The following NFIB variants were observed in gnomAD, a reference collection of about 807,000 sequenced individuals.
NFIB encodes nuclear factor 1 B-type.
NFIB carries 11 observed loss-of-function variants against 61.5 expected under a neutral mutation model. The ratio of observed to expected loss-of-function variants is 0.18; its 90% CI spans 0.11 to 0.30. The LOEUF (loss-of-function observed/expected upper bound fraction) is 0.30. Ranked by LOEUF, NFIB falls within the 10% of genes least tolerant of loss-of-function variation. The probability of loss-of-function intolerance (pLI) is 1.00; values close to 1 mark genes in which losing one functional copy is unlikely to be tolerated. For synonymous variants in NFIB, 260 were observed against 216.5 expected (o/e 1.20, Z -1.76); for missense variants, 471 against 608.9 (o/e 0.77, Z 2.38).
chr9:14,400,875 G>A (rs1329187576), upstream of NFIB, among the ~76,000 whole-genome samples: 1 of 152,198 alleles, frequency 6.6e-6, no homozygotes, highest in Admixed American at 6.5e-5. Context: ...ACTGGCGTAG[G>A]GAGGAGGCAA....
chr9:14,421,098 A>T, the NFIB span, among the ~76,000 whole-genome samples: 1 of 151,244 alleles, frequency 6.6e-6, no homozygotes, highest in African/African-American at 2.4e-5. Flanking sequence ...AAAAAAAAAA[A>T]TAAGGCATGT....
chr9:14,179,862 A>G, intron 2 of NFIB, 82 bp from the exon 3 acceptor site: 1 of 1,391,152 alleles, frequency 7.2e-7, no homozygotes, highest in East Asian at 2.4e-5. Flanking sequence ...CGAAAAAAAA[A>G]TTTGAAGGTA....
At chr9:14,497,255 C>T in the NFIB span, among the ~76,000 whole-genome samples, 2 of 152,116 alleles carry the variant, frequency 1.3e-5, no homozygotes, top group Admixed American at 6.5e-5. Flanking sequence ...TCAATGTCAC[C>T]CAATTACATT....
chr9:14,424,279 G>A, the NFIB span, among the ~76,000 whole-genome samples: 1 of 152,140 alleles, frequency 6.6e-6, no homozygotes, highest in Non-Finnish European at 1.5e-5. Context: ...GGATGATTCT[G>A]GGGACAAAGG....
intron 6 of NFIB, among the ~76,000 whole-genome samples, chr9:14,128,243 T>C (rs2039941763): frequency 6.6e-6 from 1 of 152,202 alleles, no homozygotes; most frequent in East Asian, 1.9e-4. Flanking sequence ...TCCAAATTTT[T>C]AATTTAAAAT....
chr9:14,105,395 T>C (rs1338686868), intron 10 of NFIB, among the ~76,000 whole-genome samples: 1 of 152,224 alleles, frequency 6.6e-6, no homozygotes, highest in African/African-American at 2.4e-5. Context: ...TTACTAAAAA[T>C]GTAAAATATA....
At chr9:14,414,715 C>T in the NFIB span, among the ~76,000 whole-genome samples, 1 of 151,866 alleles carries the variant, frequency 6.6e-6, no homozygotes, top group Non-Finnish European at 1.5e-5. Context: ...TTTGTTGTTA[C>T]ATTTATTATT....
At chr9:14,174,766 CA>C (rs546288962) in intron 3 of NFIB, among the ~76,000 whole-genome samples, 8,389 of 56,030 alleles carry the variant, frequency 0.15, 600 homozygotes, top group African/African-American at 0.36. Flanking sequence ...GACTCCATCT[CA>C]AAAAAAAAAA....
At position 14,150,671 on chromosome 9, in the gene NFIB, T is replaced by C. The variant is rs544564957; in HGVS notation, c.686-406A>G. 7.2e-4 allele frequency among the ~76,000 whole-genome samples: 110 copies of C among 152,116 alleles called. 1 individual carries two copies. Among genetic ancestry groups the C allele is most frequent in the African/African-American group, 2.4e-3 (99 of 41,512 alleles). On this transcript the variant is annotated intron_variant, in intron 4 of 10. Transcript: ENST00000380953. Reference sequence around the variant, plus strand: ...ACCTAGGCTCTCGAAAACCAAATCATTGTTAAATAAATAAACAGAGAACCG... The same window carrying C: ...ACCTAGGCTCTCGAAAACCAAATCACTGTTAAATAAATAAACAGAGAACCG...
chr9:14,318,505 C>CTTTTT (rs34481505), upstream of NFIB, among the ~76,000 whole-genome samples: 41 of 66,858 alleles, frequency 6.1e-4, 1 homozygote, highest in Non-Finnish European at 7.5e-4. Flanking sequence ...CACTCGATGC[C>CTTTTT]TTTTTTTTTT....
chr9:14,178,080 C>T (rs575720488), intron 3 of NFIB, among the ~76,000 whole-genome samples: 45 of 152,134 alleles, frequency 3.0e-4, no homozygotes, highest in South Asian at 1.5e-3. Flanking sequence ...TTGTTTAGTC[C>T]GACTTATAAT....
At chr9:14,511,881 C>A in the NFIB span, among the ~76,000 whole-genome samples, 1 of 152,062 alleles carries the variant, frequency 6.6e-6, no homozygotes, top group African/African-American at 2.4e-5. Flanking sequence ...ATATAAAGTT[C>A]AGAATCATTT....
At position 14,188,666 on chromosome 9, in the gene NFIB, C is replaced by T. The variant is rs559680138; in HGVS notation, c.563-8886G>A. On this transcript the variant is annotated intron_variant, in intron 2 of 10. Transcript: ENST00000380953. ...ACACGCCACTGCGTACTTTGAGGAA[C>T]AATTTGCCAACGCAGTTTGCCACAT... 2.0e-5 allele frequency among the ~76,000 whole-genome samples: 3 copies of T among 152,302 alleles called. No homozygotes were observed. In the East Asian group the frequency reaches 5.8e-4, roughly 29 times the overall value.
At chr9:14,326,302 C>T (rs892887246) in intron 1 of NFIB, among the ~76,000 whole-genome samples, 2 of 152,122 alleles carry the variant, frequency 1.3e-5, no homozygotes, top group African/African-American at 4.8e-5. Flanking sequence ...CATAGTCGCC[C>T]ATCATAAAGA....
chr9:14,155,888 G>C lies in NFIB; in HGVS notation c.622C>G (p.Leu208Val). The change falls in exon 4 of 11, where the codon CTT becomes GTT. Residue 208 changes from leucine (L) to valine (V), a missense_variant. Physicochemically the swap from Leu to Val is conservative, Grantham distance 32. Transcript: ENST00000380953. ...NDPAKNPPGY[L>V]EDSFVKSGVF... The stretch of plus-strand genomic sequence containing the variant: ...CCAGATTTTACAAAACTATCCTCAA[G>C]GTAACCTGAAAATAAATATTAAAGG... The C allele has an allele frequency of 6.4e-7, 1 of 1,558,112 alleles. No individual in the cohort carries two copies. The highest frequency in any genetic ancestry group is 8.7e-7 in the Non-Finnish European group (1 of 1,143,382).
intron 3 of NFIB, among the ~76,000 whole-genome samples, chr9:14,166,991 T>C (rs980584259): frequency 6.6e-6 from 1 of 151,432 alleles, no homozygotes; most frequent in African/African-American, 2.4e-5. Flanking sequence ...TTCTTTATTT[T>C]CAAAGATATG....
intron 1 of NFIB, among the ~76,000 whole-genome samples, chr9:14,330,518 C>G (rs1564012377): frequency 6.6e-6 from 1 of 152,068 alleles, no homozygotes; most frequent in Non-Finnish European, 1.5e-5. Flanking sequence ...ATGAAAATAA[C>G]AAATGTATAC....
At chr9:14,342,388 C>T (rs193061902) in intron 1 of NFIB, among the ~76,000 whole-genome samples, 4 of 150,844 alleles carry the variant, frequency 2.7e-5, no homozygotes, top group Admixed American at 6.6e-5. Flanking sequence ...TTTGCTTACA[C>T]CTTTGGAAAG....
chr9:14,441,454 T>A, the NFIB span, among the ~76,000 whole-genome samples: 3 of 152,228 alleles, frequency 2.0e-5, no homozygotes, highest in Non-Finnish European at 4.4e-5. Context: ...AACGTGCTTA[T>A]AGTGAAACCT....
Sources: allele counts gnomAD v4.1 joint callset (sites outside exome capture counted in the v4.1 genomes callset), GRCh38; gene constraint gnomAD v4.1.1; transcripts MANE v1.5; gene names NCBI Gene and HGNC (gene_info 2026-07-23, HGNC 2026-07-21).